Variants in ATAD2 observed in about 807,000 individuals in gnomAD.
The protein encoded by ATAD2 is ATPase family AAA domain-containing protein 2.
A neutral mutation model predicts 168.9 loss-of-function variants in ATAD2; 62 were observed. The observed-to-expected ratio is 0.37, with a 90% CI of 0.30 to 0.45. The LOEUF (loss-of-function observed/expected upper bound fraction) is 0.45, where lower values mean the gene tolerates loss of function less well. Among genes scored for constraint, ATAD2 ranks in the 20% least tolerant of loss-of-function variants. The pLI is 1.00. For synonymous variants in ATAD2, 613 were observed against 571.6 expected, an observed-to-expected ratio of 1.07 and a Z score of -1.03; for missense variants, 1,419 against 1,667.8, an observed-to-expected ratio of 0.85 and a Z score of 2.60.
At chr8:123,345,506 CAAAA>C (rs34282183) in intron 18 of ATAD2, among the ~76,000 whole-genome samples, 204 of 50,128 alleles carry the variant, frequency 4.1e-3, no homozygotes, top group African/African-American at 9.0e-3. Context: ...TATTAAAATA[CAAAA>C]AAAAAAAAAA....
chr8:123,349,149 C>A, intron 14 of ATAD2, 136 bp downstream of exon 14: 1 of 786,880 alleles, frequency 1.3e-6, no homozygotes, highest in Non-Finnish European at 1.9e-6. Flanking sequence ...AATTTGTCCC[C>A]ATTTGAGTTG....
upstream of ATAD2, chr8:123,401,429 G>GGT: frequency 7.2e-7 from 1 of 1,394,850 alleles, no homozygotes; most frequent in Non-Finnish European, 1.0e-6. Flanking sequence ...CAACTGCCAT[G>GGT]GTGTATTACG....
intron 1 of ATAD2, among the ~76,000 whole-genome samples, chr8:123,384,253 CA>C (rs889550566): frequency 1.5e-4 from 23 of 151,046 alleles, no homozygotes; most frequent in East Asian, 5.8e-4. Flanking sequence ...TGATGTATAA[CA>C]AAAAAAAACT....
At chr8:123,335,997 A>C (rs1186124645) in intron 22 of ATAD2, among the ~76,000 whole-genome samples, 1 of 152,230 alleles carries the variant, frequency 6.6e-6, no homozygotes, top group Middle Eastern at 3.2e-3. Flanking sequence ...AATGGTCTTA[A>C]CTAATAGAAT....
At chr8:123,346,052 T>C in intron 18 of ATAD2, 34 bp downstream of exon 18, 1 of 1,397,858 alleles carries the variant, frequency 7.2e-7, no homozygotes, top group East Asian at 2.7e-5. Context: ...TCTGAAAGCC[T>C]GTTTTGTCTT....
At chr8:123,400,611 C>T (rs775124024), upstream of ATAD2, 12 of 604,314 alleles carry the variant, frequency 2.0e-5, no homozygotes, top group Middle Eastern at 4.5e-4. This position sits in a 1 kb window ranked among gnomAD's most constrained non-coding sequence, Gnocchi z 4.5. Flanking sequence ...GCACCGGCTG[C>T]GTGCCCGAGG....
chr8:123,364,348 C>G (rs1828909101), intron 8 of ATAD2, among the ~76,000 whole-genome samples: 1 of 152,052 alleles, frequency 6.6e-6, no homozygotes, highest in African/African-American at 2.4e-5. Context: ...GTAGAAAGGT[C>G]ATTACTTCAG....
intron 13 of ATAD2, among the ~76,000 whole-genome samples, chr8:123,349,872 A>AT (rs1218771325): frequency 2.3e-4 from 34 of 149,064 alleles, no homozygotes. Context: ...CCCCATCTCT[A>AT]TTAAAAAAAA....
intron 1 of ATAD2, among the ~76,000 whole-genome samples, chr8:123,387,870 G>T (rs956940884): frequency 1.3e-5 from 2 of 152,052 alleles, no homozygotes; most frequent in Admixed American, 6.6e-5. Flanking sequence ...AAGCATGTTT[G>T]GGGGGGAGGT....
chr8:123,411,283 C>A (rs1420025133), intron 1 of ATAD2, among the ~76,000 whole-genome samples: 2 of 152,138 alleles, frequency 1.3e-5, no homozygotes, highest in African/African-American at 2.4e-5. Context: ...GACTGGCCTG[C>A]TAGCCCATGC....
chr8:123,399,090 G>A (rs1291546043), upstream of ATAD2, among the ~76,000 whole-genome samples: 2 of 151,860 alleles, frequency 1.3e-5, no homozygotes, highest in African/African-American at 2.4e-5. Flanking sequence ...GTGAAACCCC[G>A]TCTCTACTGA....
At chr8:123,356,575 T>A in intron 12 of ATAD2, 98 bp from the exon 13 acceptor site, 2 of 706,142 alleles carry the variant, frequency 2.8e-6, no homozygotes, top group Non-Finnish European at 4.4e-6. Flanking sequence ...CAAATATGCT[T>A]AACAGAATTT....
intron 1 of ATAD2, among the ~76,000 whole-genome samples, chr8:123,415,165 T>C (rs1490663925): frequency 6.6e-6 from 1 of 152,218 alleles, no homozygotes; most frequent in Non-Finnish European, 1.5e-5. Flanking sequence ...ATATGATGCT[T>C]AGTTTCGCTG....
At chr8:123,352,756 A>G (rs892704871) in intron 13 of ATAD2, 3 of 151,646 alleles carry the variant, frequency 2.0e-5, no homozygotes, top group Admixed American at 6.6e-5. Context: ...AAACAACAAC[A>G]ACAACAACAA....
At position 123,371,814 on chromosome 8, in the gene ATAD2, C is replaced by T. The variant is rs750708802; in HGVS notation, c.392G>A (p.Arg131Gln). 6.3e-6 allele frequency: 10 copies of T among 1,599,688 alleles called. No homozygotes were observed. The highest frequency in any genetic ancestry group is 4.3e-6 in the Non-Finnish European group (5 of 1,175,380). ...AACGATGTTTCTAGCCCTCAATGACCGAGTAACTGGAATCACTTTGTCTTC... is the reference window on the plus strand; with the variant it reads ...AACGATGTTTCTAGCCCTCAATGACTGAGTAACTGGAATCACTTTGTCTTC... ...HREDKVIPVTRSLRARNIVQS... is the reference protein window; with the variant it reads ...HREDKVIPVTQSLRARNIVQS... The change falls in exon 4 of 28, where the codon CGG becomes CAG. Residue 131 changes from arginine (R) to glutamine (Q), a missense_variant. Transcript: ENST00000287394.
intron 9 of ATAD2, among the ~76,000 whole-genome samples, 188 bp from the exon 10 acceptor site, chr8:123,359,873 A>T (rs72722098): frequency 1.3e-5 from 2 of 152,182 alleles, no homozygotes; most frequent in African/African-American, 4.8e-5. Flanking sequence ...AGAAATATTT[A>T]TATCTGAAGC....
At position 123,371,842 on chromosome 8, in the gene ATAD2, A is replaced by G. The variant is rs1234475044; in HGVS notation, c.371-7T>C. On this transcript the variant is annotated splice_region_variant and splice_polypyrimidine_tract_variant and intron_variant, in intron 3 of 27. Coordinates refer to ENST00000287394, the MANE Select transcript of ATAD2 (RefSeq NM_014109.4). The stretch of plus-strand genomic sequence containing the variant: ...GTAACTGGAATCACTTTGTCTTCAC[A>G]AATGCATACATAAAAATAAATAGAA... The G allele has an allele frequency of 6.4e-7, 1 of 1,567,548 alleles. No individual in the cohort carries two copies. Among genetic ancestry groups the G allele is most frequent in the South Asian group, 1.2e-5 (1 of 82,528 alleles).
chr8:123,324,446 C>T (rs532845000), intron 26 of ATAD2, among the ~76,000 whole-genome samples: 1 of 152,098 alleles, frequency 6.6e-6, no homozygotes, highest in Admixed American at 6.5e-5. Context: ...AGGAAAAGGG[C>T]AAGAAATCAA....
chr8:123,383,187 G>T (rs1338384971), intron 1 of ATAD2, among the ~76,000 whole-genome samples: 1 of 152,068 alleles, frequency 6.6e-6, no homozygotes, highest in Non-Finnish European at 1.5e-5. Context: ...ATACACCAGG[G>T]CCTTTCGGGG....
Sources: allele counts gnomAD v4.1 joint callset (sites outside exome capture counted in the v4.1 genomes callset), GRCh38; gene constraint gnomAD v4.1.1; non-coding constraint Gnocchi (gnomAD v3.1); transcripts MANE v1.5; gene names NCBI Gene and HGNC (gene_info 2026-07-23, HGNC 2026-07-21).